Variants in STXBP2 observed in about 807,000 individuals in gnomAD.
STXBP2 encodes the protein syntaxin-binding protein 2.
A neutral mutation model predicts 72.2 loss-of-function variants in STXBP2; 47 were observed. That is an observed-to-expected ratio of 0.65 (90% CI 0.51 to 0.83). STXBP2 has a LOEUF of 0.83. Ranked by LOEUF, STXBP2 falls within the 40% of genes least tolerant of loss-of-function variation. STXBP2 has a pLI of 0.00. For synonymous variants in STXBP2, 367 were observed against 338.7 expected, an observed-to-expected ratio of 1.08 and a Z score of -0.92; for missense variants, 702 against 807.6, an observed-to-expected ratio of 0.87 and a Z score of 1.58.
intron 7 of STXBP2, 31 bp downstream of exon 7, chr19:7,641,884 C>T: frequency 1.0e-6 from 1 of 967,832 alleles, no homozygotes; most frequent in Non-Finnish European, 1.5e-6. Context: ...CACCCCGATG[C>T]CGACCCCCCC....
At chr19:7,645,629 T>C (rs1048997745) in intron 15 of STXBP2, among the ~76,000 whole-genome samples, 6 of 151,728 alleles carry the variant, frequency 4.0e-5, no homozygotes, top group African/African-American at 4.8e-5. Context: ...TACACCACAT[T>C]GTCTATCTGG....
At position 7,640,424 on chromosome 19, in the gene STXBP2, G is replaced by A. The variant is rs769767255; in HGVS notation, c.247-307G>A. 2,062 of 631,508 alleles carry A rather than the reference G, an allele frequency of 3.3e-3. 26 individuals carry two copies. Among genetic ancestry groups the A allele is most frequent in the African/African-American group, 0.029 (1,579 of 54,326 alleles). 39.1% of individuals were successfully genotyped at this position (631,508 alleles called of 1,614,324 possible). ...TATATGTGTGTATGTATGTGTGCGCGCGCATCTGTGTGTGTGCATGTGTGT... is the reference window on the plus strand; with the variant it reads ...TATATGTGTGTATGTATGTGTGCGCACGCATCTGTGTGTGTGCATGTGTGT... On this transcript the variant is annotated intron_variant, in intron 4 of 18. Coordinates refer to ENST00000221283, the MANE Select transcript of STXBP2 (RefSeq NM_006949.4).
At chr19:7,643,392 T>C (rs1599400839) in intron 13 of STXBP2, 147 bp downstream of exon 13, 2 of 804,406 alleles carry the variant, frequency 2.5e-6, no homozygotes, top group East Asian at 5.6e-5. Context: ...TGGGACCTGG[T>C]GGGGAAGGAG....
chr19:7,646,416 G>A, intron 16 of STXBP2, 72 bp downstream of exon 16: 2 of 1,374,234 alleles, frequency 1.5e-6, no homozygotes, highest in Non-Finnish European at 2.0e-6. Flanking sequence ...CTCCTGCTGA[G>A]GTGCTAAGCC....
upstream of STXBP2, among the ~76,000 whole-genome samples, chr19:7,634,502 G>A (rs898247644): frequency 1.3e-5 from 2 of 152,152 alleles, no homozygotes; most frequent in Non-Finnish European, 2.9e-5. Context: ...AAGTGTCATA[G>A]ACCAGATGGC....
At chr19:7,631,730 G>A in the STXBP2 span, 47 of 1,447,770 alleles carry the variant, frequency 3.2e-5, no homozygotes, top group African/African-American at 5.8e-5. Flanking sequence ...CTGTTCCGAC[G>A]GAAGCCGAGA....
In STXBP2 at chr19:7,641,756, C is replaced by G; in HGVS notation, c.481C>G (p.Arg161Gly). 1 of 1,552,796 alleles carries G rather than the reference C, an allele frequency of 6.4e-7. No homozygotes were observed. Among genetic ancestry groups the G allele is most frequent in the Non-Finnish European group, 8.7e-7 (1 of 1,148,226 alleles). The change falls in exon 7 of 19, where the codon CGG becomes GGG. Residue 161 changes from arginine (R) to glycine (G), a missense_variant. Physicochemically the swap from Arg to Gly is moderately radical, Grantham distance 125. Transcript: ENST00000221283. ...CACCTACAACCTCTACTGCCCCTTCCGGGCAGAGGAGCGCACGCGGCAGCT... is the reference window on the plus strand; with the variant it reads ...CACCTACAACCTCTACTGCCCCTTCGGGGCAGAGGAGCGCACGCGGCAGCT... ...HSTYNLYCPF[R>G]AEERTRQLEV...
chr19:7,644,983 A>C (rs1274541480), intron 14 of STXBP2: 15 of 1,447,826 alleles, frequency 1.0e-5, no homozygotes, highest in Non-Finnish European at 1.4e-5. Context: ...TGATTCCTAT[A>C]GATGTGGGGC....
At chr19:7,640,239 T>C (rs2031776287) in intron 4 of STXBP2, 2 of 545,482 alleles carry the variant, frequency 3.7e-6, no homozygotes, top group African/African-American at 1.9e-5. Flanking sequence ...TGCGTCTGTG[T>C]GTATCTGTGT....
At chr19:7,640,375 T>C (rs12610679) in intron 4 of STXBP2, 28 of 575,142 alleles carry the variant, frequency 4.9e-5, no homozygotes, top group Non-Finnish European at 6.8e-5. Flanking sequence ...TGCGTGTGTG[T>C]GCGCATCAGT....
chr19:7,640,378 G>C (rs562225081), intron 4 of STXBP2: 2 of 574,052 alleles, frequency 3.5e-6, no homozygotes, highest in Admixed American at 4.7e-5. Context: ...GTGTGTGTGC[G>C]CATCAGTGTC....
At position 7,640,994 on chromosome 19, in the gene STXBP2, CG is replaced by C; in HGVS notation, c.421del (p.Glu141ArgfsTer69). 1.9e-6 allele frequency: 3 copies of C among 1,614,158 alleles called. No individual in the cohort carries two copies. Among genetic ancestry groups the C allele is most frequent in the Non-Finnish European group, 2.5e-6 (3 of 1,180,016 alleles). ...KEIHLAFLPY[E>X]AQVFSLDAPH... ...AGATTCACCTTGCCTTCCTCCCCTA[CG>C]AGGCCCAGGTACGGCCCGGGCTCAT... On this transcript the variant is annotated frameshift_variant, in exon 6 of 19. Coordinates refer to ENST00000221283, the MANE Select transcript of STXBP2 (RefSeq NM_006949.4). LOFTEE classifies it high-confidence loss of function.
At position 7,646,230 on chromosome 19, in the gene STXBP2, C is replaced by T. The variant is rs2032131102; in HGVS notation, c.1357-19C>T. The T allele has an allele frequency of 6.3e-7, 1 of 1,582,690 alleles. No individual in the cohort carries two copies. On this transcript the variant is annotated intron_variant, in intron 15 of 18. Coordinates refer to ENST00000221283, the MANE Select transcript of STXBP2 (RefSeq NM_006949.4). The stretch of plus-strand genomic sequence containing the variant: ...CCTTCCCCTCAATCCCCCTGCTGCC[C>T]TCCCTGCCCTGCCTGTAGGGCTCGG...
chr19:7,645,538 A>G (rs1334405880), intron 15 of STXBP2: 2 of 555,234 alleles, frequency 3.6e-6, no homozygotes, highest in African/African-American at 3.8e-5. Context: ...GGTCGCTGCC[A>G]GGCTGGTCCT....
chr19:7,639,648 C>G (rs2031706197), intron 3 of STXBP2, 83 bp from the exon 4 acceptor site: 3 of 1,339,506 alleles, frequency 2.2e-6, no homozygotes, highest in Non-Finnish European at 3.2e-6. Flanking sequence ...CCTCCCCAAG[C>G]CTCCAACCCC....
chr19:7,644,644 GAGA>G lies in STXBP2; in HGVS notation c.1142_1144del (p.Lys381del), dbSNP rs2146226387. The stretch of plus-strand genomic sequence containing the variant: ...GGCCATGGGCTCCGACGCAGAGGGG[GAGA>G]AGATCAAGGACTCCATGAAGCTGAT... On this transcript the variant is annotated inframe_deletion, in exon 14 of 19. Coordinates refer to ENST00000221283, the MANE Select transcript of STXBP2 (RefSeq NM_006949.4). The G allele has an allele frequency of 6.2e-7, 1 of 1,613,420 alleles. No individual in the cohort carries two copies. The highest frequency in any genetic ancestry group is 8.5e-7 in the Non-Finnish European group (1 of 1,179,834).
Position 7,641,023 on chromosome 19 carries a change from T to C in STXBP2, c.429+20T>C. 1 of 1,612,242 alleles carries C rather than the reference T, an allele frequency of 6.2e-7. No homozygotes were observed. Among genetic ancestry groups the C allele is most frequent in the Non-Finnish European group, 8.5e-7 (1 of 1,178,508 alleles). ...GCCCAGGTACGGCCCGGGCTCATCC[T>C]GGGCAGGGGGTGGGGGTTTGTGACC... On this transcript the variant is annotated intron_variant, in intron 6 of 18. Coordinates refer to ENST00000221283, the MANE Select transcript of STXBP2 (RefSeq NM_006949.4).
the STXBP2 span, chr19:7,630,935 C>T: frequency 8.9e-6 from 13 of 1,464,804 alleles, no homozygotes; most frequent in South Asian, 3.6e-5. Flanking sequence ...TTAGGCCAGG[C>T]GCAGTGGCTC....
intron 4 of STXBP2, chr19:7,640,187 CATGTGTGT>C: frequency 2.0e-6 from 1 of 505,214 alleles, no homozygotes; most frequent in East Asian, 4.8e-5. Context: ...TGTCTGTGTG[CATGTGTGT>C]ATGCGTGTGT....
Sources: allele counts gnomAD v4.1 joint callset (sites outside exome capture counted in the v4.1 genomes callset), GRCh38; gene constraint gnomAD v4.1.1; transcripts MANE v1.5; gene names NCBI Gene and HGNC (gene_info 2026-07-23, HGNC 2026-07-21).